Variants in BTBD16 observed in about 807,000 individuals in gnomAD.
BTBD16 encodes BTB/POZ domain-containing protein 16.
In BTBD16, 66 loss-of-function variants were observed where a neutral mutation model predicts 67.4. That is an observed-to-expected ratio of 0.98 (90% CI 0.80 to 1.20). The LOEUF is 1.20. BTBD16 is among the 50% of genes most tolerant of loss of function. BTBD16 has a pLI of 0.00. For missense variants in BTBD16, 634 were observed against 616.0 expected, an observed-to-expected ratio of 1.03 and a Z score of -0.31; for synonymous variants, 242 against 236.4, an observed-to-expected ratio of 1.02 and a Z score of -0.22.
At chr10:122,288,958 C>G (rs1013063625) in intron 5 of BTBD16, among the ~76,000 whole-genome samples, 1 of 152,106 alleles carries the variant, frequency 6.6e-6, no homozygotes, top group Non-Finnish European at 1.5e-5. Flanking sequence ...TGTGGGGCAC[C>G]TCTGGAGACC....
At chr10:122,308,708 A>T (rs1186023368) in intron 10 of BTBD16, among the ~76,000 whole-genome samples, 1 of 151,924 alleles carries the variant, frequency 6.6e-6, no homozygotes, top group Non-Finnish European at 1.5e-5. Flanking sequence ...TCTCCCCTGC[A>T]CACTGTCCAG....
chr10:122,335,918 C>T (rs556135062), intron 14 of BTBD16, among the ~76,000 whole-genome samples: 99 of 152,140 alleles, frequency 6.5e-4, no homozygotes, highest in African/African-American at 2.3e-3. Context: ...GCCCAGGCTG[C>T]AGTGCAGTGG....
intron 13 of BTBD16, among the ~76,000 whole-genome samples, chr10:122,333,621 TA>T (rs770630949): frequency 3.3e-5 from 5 of 152,168 alleles, no homozygotes; most frequent in Non-Finnish European, 7.3e-5. Flanking sequence ...GGGAACACTG[TA>T]ACTTTTGCAA....
At chr10:122,302,000 G>GA (rs2096394918) in intron 9 of BTBD16, among the ~76,000 whole-genome samples, 1 of 152,202 alleles carries the variant, frequency 6.6e-6, no homozygotes, top group African/African-American at 2.4e-5. Context: ...GCCCCGGAGT[G>GA]GGATGTGTGG....
intron 10 of BTBD16, among the ~76,000 whole-genome samples, chr10:122,326,675 G>A (rs1470592009): frequency 6.6e-6 from 1 of 152,086 alleles, no homozygotes; most frequent in Non-Finnish European, 1.5e-5. Flanking sequence ...GTCTTTCCGA[G>A]TCTATGGGAG....
chr10:122,330,587 A>G (rs1424295576), intron 11 of BTBD16, among the ~76,000 whole-genome samples: 2 of 152,238 alleles, frequency 1.3e-5, no homozygotes, highest in Non-Finnish European at 2.9e-5. Flanking sequence ...CATTCAAAAT[A>G]ATATGTTACA....
intron 9 of BTBD16, among the ~76,000 whole-genome samples, chr10:122,306,526 T>A (rs187433994): frequency 1.3e-5 from 2 of 152,274 alleles, no homozygotes. Flanking sequence ...CCACAGCCAG[T>A]CTGGTGAGGA....
chr10:122,275,972 A>G (rs146829840), intron 2 of BTBD16, among the ~76,000 whole-genome samples: 2 of 152,256 alleles, frequency 1.3e-5, no homozygotes, highest in Admixed American at 6.5e-5. Context: ...CCATCAACTG[A>G]TGAAGGAATA....
chr10:122,306,615 C>T (rs1590073845), intron 9 of BTBD16, among the ~76,000 whole-genome samples: 1 of 152,306 alleles, frequency 6.6e-6, no homozygotes, highest in South Asian at 2.1e-4. Flanking sequence ...AGGTTTCAGC[C>T]CTCAATCATG....
chr10:122,335,070 A>C, intron 14 of BTBD16, 91 bp downstream of exon 14: 1 of 655,846 alleles, frequency 1.5e-6, no homozygotes, highest in Non-Finnish European at 2.6e-6. Context: ...TTGATTCATC[A>C]TTAATTACTC....
At chr10:122,285,660 C>G (rs79861815) in intron 4 of BTBD16, among the ~76,000 whole-genome samples, 1 of 151,916 alleles carries the variant, frequency 6.6e-6, no homozygotes, top group South Asian at 2.1e-4. Context: ...CCACAGTGCA[C>G]GGGACAGCAC....
chr10:122,330,380 A>G (rs905311088), intron 11 of BTBD16, among the ~76,000 whole-genome samples: 2 of 152,210 alleles, frequency 1.3e-5, no homozygotes, highest in Admixed American at 1.3e-4. Flanking sequence ...TGCAGCCTAA[A>G]TATCTTCTTC....
chr10:122,275,140 A>G (rs1403318275), intron 2 of BTBD16, 41 bp downstream of exon 2: 3 of 1,593,744 alleles, frequency 1.9e-6, no homozygotes, highest in Middle Eastern at 1.7e-4. Context: ...TGATGAGAAG[A>G]AGCATTTGCT....
chr10:122,328,786 G>A, intron 10 of BTBD16: 1 of 985,420 alleles, frequency 1.0e-6, no homozygotes, highest in Non-Finnish European at 1.2e-6. Flanking sequence ...GGGAATGCGT[G>A]TCTGTGTGTG....
At chr10:122,312,905 C>G (rs2096416638) in intron 10 of BTBD16, among the ~76,000 whole-genome samples, 1 of 152,082 alleles carries the variant, frequency 6.6e-6, no homozygotes, top group South Asian at 2.1e-4. Flanking sequence ...TTGAGAGAGT[C>G]TCACTCTGTT....
chr10:122,331,290 T>A (rs1161306437), intron 12 of BTBD16, 32 bp downstream of exon 12: 1 of 1,603,794 alleles, frequency 6.2e-7, no homozygotes, highest in Non-Finnish European at 8.5e-7. Flanking sequence ...GACACAGTTG[T>A]CGAAGTTTAT....
chr10:122,272,840 G>A (rs935175461), intron 1 of BTBD16, among the ~76,000 whole-genome samples: 7 of 152,142 alleles, frequency 4.6e-5, no homozygotes, highest in Non-Finnish European at 7.4e-5. Flanking sequence ...CTTAAAAAAT[G>A]CTAGTGAGAC....
chr10:122,286,426 A>G (rs1301889924), intron 5 of BTBD16, 178 bp downstream of exon 5: 1 of 586,576 alleles, frequency 1.7e-6, no homozygotes, highest in Non-Finnish European at 2.1e-6. Flanking sequence ...AATGGGGATA[A>G]TAGTTCTTAG....
rs11200524 is a variant in BTBD16, at chr10:122,276,813, G to C, written c.41G>C (p.Arg14Pro). The part of the protein sequence containing the change: ...SNTHKARLER[R>P]VTGSTNRWRL... ...CAGCACAAAGCTCGGCTGGAACGCC[G>C]GGTCACTGGCTCAACCAACCGGTGG... The change falls in exon 3 of 16, where the codon CGG (arginine) becomes CCG (proline). Residue 14 changes from arginine (R) to proline (P), a missense_variant. By Grantham distance (103) the Arg-to-Pro change is moderately radical. Coordinates refer to ENST00000260723, the MANE Select transcript of BTBD16 (RefSeq NM_144587.5). 1 of 1,614,176 alleles carries C rather than the reference G, an allele frequency of 6.2e-7. No homozygotes were observed. The highest frequency in any genetic ancestry group is 1.1e-5 in the South Asian group (1 of 91,074).
Sources: allele counts gnomAD v4.1 joint callset (sites outside exome capture counted in the v4.1 genomes callset), GRCh38; gene constraint gnomAD v4.1.1; transcripts MANE v1.5; gene names NCBI Gene and HGNC (gene_info 2026-07-23, HGNC 2026-07-21).